Variants in UPF2 observed in about 807,000 individuals in gnomAD.
UPF2 encodes the protein regulator of nonsense transcripts 2.
Under a neutral mutation model 141.4 loss-of-function variants are expected in UPF2, and 17 were observed. The observed-to-expected ratio is 0.12, with a 90% CI of 0.08 to 0.18. The LOEUF (loss-of-function observed/expected upper bound fraction) is 0.18. Ranked by LOEUF, UPF2 falls within the 10% of genes least tolerant of loss-of-function variation. The pLI is 1.00. For missense variants in UPF2, 1,152 were observed against 1,515.9 expected, an observed-to-expected ratio of 0.76 and a Z score of 3.99; for synonymous variants, 540 against 498.0, an observed-to-expected ratio of 1.08 and a Z score of -1.12.
intron 18 of UPF2, 34 bp downstream of exon 18, chr10:11,942,631 G>C (rs199623480): frequency 6.3e-7 from 1 of 1,586,492 alleles, no homozygotes; most frequent in African/African-American, 1.3e-5. Flanking sequence ...GTTTTGTATT[G>C]AGAAGAGTCT....
At position 11,992,297 on chromosome 10, in the gene UPF2, C is replaced by G. The variant is rs1434260467; in HGVS notation, c.1844+5375G>C. Among the ~76,000 whole-genome samples, 1 of 152,062 alleles carries G rather than the reference C, an allele frequency of 6.6e-6. No individual in the cohort carries two copies. The highest frequency in any genetic ancestry group is 1.5e-5 in the Non-Finnish European group (1 of 68,028). On this transcript the variant is annotated intron_variant, in intron 8 of 21. Coordinates refer to ENST00000357604, the MANE Select transcript of UPF2 (RefSeq NM_015542.4). This position sits in a 1 kb window ranked among gnomAD's most constrained non-coding sequence, Gnocchi z 4.1. ...ACAGGAAGTCAGGTGTGCCGCTTGC[C>G]TACTGAAATAATGCTGAAAGTTAAA...
chr10:11,921,222 C>T lies in UPF2; in HGVS notation c.*76G>A, dbSNP rs1175113384. On this transcript the variant is annotated 3_prime_UTR_variant, in exon 22 of 22. Coordinates refer to ENST00000357604, the MANE Select transcript of UPF2 (RefSeq NM_015542.4). The surrounding 1 kb of genome is among the most constrained non-coding windows in gnomAD (Gnocchi z 5.9). The stretch of plus-strand genomic sequence containing the variant: ...GACCTGCTGAGATGTGTCCACTGCT[C>T]TCATTCAATTGCTGGAGGACTCCAC... 2 of 1,593,026 alleles carry T rather than the reference C, an allele frequency of 1.3e-6. No individual in the cohort carries two copies. Among genetic ancestry groups the T allele is most frequent in the African/African-American group, 2.7e-5 (2 of 74,464 alleles).
intron 16 of UPF2, among the ~76,000 whole-genome samples, chr10:11,947,891 A>T (rs576117943): frequency 2.6e-5 from 4 of 152,052 alleles, no homozygotes; most frequent in South Asian, 4.1e-4. Flanking sequence ...TTCTTTAAAA[A>T]CTTTTAATTA....
rs1486594398 is a variant in UPF2 at position 12,042,794 on chromosome 10, A to T, written c.-58T>A. 1 of 151,216 alleles carries T rather than the reference A, an allele frequency of 6.6e-6. No homozygotes were observed. Among genetic ancestry groups the T allele is most frequent in the Non-Finnish European group, 1.5e-5 (1 of 67,864 alleles). 9.4% of individuals were successfully genotyped at this position (151,216 alleles called of 1,614,324 possible). A position where few individuals can be genotyped will look rare whatever the true frequency, so the allele number is the denominator to read the frequency against. On this transcript the variant is annotated 5_prime_UTR_variant, in exon 1 of 22. Transcript: ENST00000357604. The surrounding 1 kb of genome is among the most constrained non-coding windows in gnomAD (Gnocchi z 5.5). ...CAACATTAGCCCCGGGTTTCCCAGC[A>T]CCAACTCCAGCGCTCGGGCTCTCCC...
At chr10:12,000,679 C>T (rs543215836) in intron 6 of UPF2, among the ~76,000 whole-genome samples, 7 of 152,098 alleles carry the variant, frequency 4.6e-5, no homozygotes, top group South Asian at 2.1e-4. Flanking sequence ...TGGTGGTGCA[C>T]GTCTACAGTC....
intron 19 of UPF2, among the ~76,000 whole-genome samples, chr10:11,933,958 T>A (rs971323169): frequency 2.6e-5 from 4 of 152,194 alleles, no homozygotes; most frequent in Non-Finnish European, 5.9e-5. Context: ...GAGACCAAGG[T>A]ATATCTAGCT....
intron 3 of UPF2, among the ~76,000 whole-genome samples, chr10:12,018,055 T>A (rs1469181500): frequency 6.6e-6 from 1 of 152,150 alleles, no homozygotes; most frequent in Non-Finnish European, 1.5e-5. Flanking sequence ...GACATCTAAG[T>A]AATACACATT....
At chr10:11,930,253 G>T (rs1241670483) in intron 20 of UPF2, among the ~76,000 whole-genome samples, 2 of 152,222 alleles carry the variant, frequency 1.3e-5, no homozygotes, top group African/African-American at 4.8e-5. Context: ...AGCCTAAGAG[G>T]CAGTGCATTG....
chr10:11,939,250 A>G lies in UPF2; in HGVS notation c.3379-2538T>C, dbSNP rs1832906273. On this transcript the variant is annotated intron_variant, in intron 18 of 21. Coordinates refer to ENST00000357604, the MANE Select transcript of UPF2 (RefSeq NM_015542.4). This position sits in a 1 kb window ranked among gnomAD's most constrained non-coding sequence, Gnocchi z 4.8. ...CTAACAGTATCTGACAGCACTATGC[A>G]AAGAATAGATGTAAAGCACTTGATG... Among the ~76,000 whole-genome samples the G allele has an allele frequency of 6.6e-6, 1 of 152,184 alleles. No homozygotes were observed. Among genetic ancestry groups the G allele is most frequent in the African/African-American group, 2.4e-5 (1 of 41,434 alleles).
At chr10:12,018,628 T>TCTG (rs1250129289) in intron 3 of UPF2, among the ~76,000 whole-genome samples, 1 of 151,868 alleles carries the variant, frequency 6.6e-6, no homozygotes, top group Non-Finnish European at 1.5e-5. Flanking sequence ...GGTGGGCACC[T>TCTG]ACAGTCCTAG....
chr10:12,031,192 A>C lies in UPF2; in HGVS notation c.366-1668T>G, dbSNP rs559279687. Among the ~76,000 whole-genome samples, 184 of 131,392 alleles carry C rather than the reference A, an allele frequency of 1.4e-3. 2 individuals carry two copies. The highest frequency in any genetic ancestry group is 4.6e-3 in the African/African-American group (178 of 38,420). The allele number at this position is 131,392 out of a possible 152,430, so 86.2% of individuals were successfully genotyped here. On this transcript the variant is annotated intron_variant, in intron 2 of 21. Transcript: ENST00000357604. ...CCATCTCAAAAAAAAAAAAAAAAAC[A>C]AAACAGTTTTGCAATGTTAGATATT...
At chr10:11,957,931 G>C (rs753523878) in intron 12 of UPF2, among the ~76,000 whole-genome samples, 1 of 152,180 alleles carries the variant, frequency 6.6e-6, no homozygotes, top group East Asian at 1.9e-4. Context: ...GAGGCTGTAC[G>C]ACAACCTCAA....
intron 2 of UPF2, among the ~76,000 whole-genome samples, chr10:12,030,950 G>A (rs4747959): frequency 0.83 from 125,338 of 150,458 alleles, 52,474 homozygotes; most frequent in Non-Finnish European, 0.88. Context: ...CGAGGCGGGT[G>A]GATCACGAGG....
chr10:11,968,225 AAG>A (rs1206915852), intron 9 of UPF2, among the ~76,000 whole-genome samples: 2 of 152,170 alleles, frequency 1.3e-5, no homozygotes, highest in Non-Finnish European at 2.9e-5. Flanking sequence ...TTGTAAGTTA[AAG>A]AAAAAATTGC....
intron 10 of UPF2, among the ~76,000 whole-genome samples, chr10:11,965,510 A>G (rs183634657): frequency 1.3e-5 from 2 of 152,186 alleles, no homozygotes; most frequent in African/African-American, 4.8e-5. Flanking sequence ...CCCAGTCTGG[A>G]GTGCAGTGGC....
chr10:11,995,899 C>T (rs569014980), intron 8 of UPF2, among the ~76,000 whole-genome samples: 8 of 152,298 alleles, frequency 5.3e-5, no homozygotes, highest in African/African-American at 1.7e-4. Flanking sequence ...CCCCACCCAT[C>T]CCTTAACTAG....
chr10:12,013,947 T>G (rs1834174772), intron 4 of UPF2, 77 bp downstream of exon 4: 1 of 1,333,882 alleles, frequency 7.5e-7, no homozygotes, highest in Admixed American at 2.9e-5. Context: ...TTCTCAATAC[T>G]GCACATCTGA....
intron 1 of UPF2, among the ~76,000 whole-genome samples, chr10:12,038,345 A>G (rs531204222): frequency 6.7e-6 from 1 of 148,520 alleles, no homozygotes; most frequent in Non-Finnish European, 1.5e-5. Context: ...ATGCCACTGC[A>G]CTCCAGCATG....
chr10:11,960,945 C>A (rs1196409365), intron 11 of UPF2, among the ~76,000 whole-genome samples: 4 of 151,720 alleles, frequency 2.6e-5, no homozygotes, highest in African/African-American at 4.8e-5. Context: ...AAAAAATTAG[C>A]CAGGCATAGT....
Sources: gnomAD v4.1 joint callset for allele counts (sites outside exome capture counted in the v4.1 genomes callset) on GRCh38, gnomAD v4.1.1 for gene constraint, Gnocchi (gnomAD v3.1) non-coding constraint, MANE v1.5 for transcripts, NCBI Gene and HGNC (gene_info 2026-07-23, HGNC 2026-07-21) for gene names.